The following IL34 variants were observed in gnomAD, a reference collection of about 807,000 sequenced individuals.
IL34 encodes interleukin 34.
A neutral mutation model predicts 25.3 loss-of-function variants in IL34; 17 were observed. The observed-to-expected ratio is 0.67, with a 90% CI of 0.46 to 1.01. IL34 has a LOEUF of 1.01. Among genes scored for constraint, IL34 ranks in the 50% least tolerant of loss-of-function variants. The pLI, the probability that IL34 is intolerant of heterozygous loss-of-function variation, is 0.00. For synonymous variants in IL34, 174 were observed against 140.9 expected, an observed-to-expected ratio of 1.23 and a Z score of -1.66; for missense variants, 368 against 312.9, an observed-to-expected ratio of 1.18 and a Z score of -1.33.
At chr16:70,632,602 C>T (rs1017926658) in intron 1 of IL34, among the ~76,000 whole-genome samples, 3 of 152,112 alleles carry the variant, frequency 2.0e-5, no homozygotes, top group Non-Finnish European at 4.4e-5. Context: ...AGTGGCTTTC[C>T]AATGGAGCAT....
At chr16:70,631,972 G>A (rs2051528750) in intron 1 of IL34, among the ~76,000 whole-genome samples, 1 of 151,946 alleles carries the variant, frequency 6.6e-6, no homozygotes, top group Admixed American at 6.6e-5. Context: ...GTGCTGTTGT[G>A]TACCTGTAAT....
chr16:70,638,954 A>C (rs940368815), intron 1 of IL34, among the ~76,000 whole-genome samples: 1 of 152,226 alleles, frequency 6.6e-6, no homozygotes, highest in Non-Finnish European at 1.5e-5. Context: ...ATCTATCTCC[A>C]TGTAGGTAGA....
At chr16:70,646,202 G>A (rs554851991), upstream of IL34, among the ~76,000 whole-genome samples, 19 of 152,166 alleles carry the variant, frequency 1.2e-4, no homozygotes, top group African/African-American at 4.1e-4. Context: ...GAGCCATTGC[G>A]TCCGGCTTGT....
At chr16:70,646,374 C>T (rs2051929285), upstream of IL34, among the ~76,000 whole-genome samples, 1 of 152,196 alleles carries the variant, frequency 6.6e-6, no homozygotes, top group African/African-American at 2.4e-5. Context: ...TCATAACTCA[C>T]TCATGGGCCA....
intron 1 of IL34, among the ~76,000 whole-genome samples, chr16:70,608,631 C>T (rs2051046545): frequency 6.6e-6 from 1 of 152,164 alleles, no homozygotes; most frequent in Non-Finnish European, 1.5e-5. Context: ...GACACTATAG[C>T]CTCTGCCGCC....
intron 1 of IL34, among the ~76,000 whole-genome samples, chr16:70,607,400 C>T (rs181930992): frequency 7.4e-4 from 113 of 152,200 alleles, no homozygotes; most frequent in African/African-American, 2.0e-3. Flanking sequence ...CCACTGCACC[C>T]GGCTGGATTT....
At chr16:70,651,963 A>G (rs1193740344) in intron 1 of IL34, among the ~76,000 whole-genome samples, 1 of 151,614 alleles carries the variant, frequency 6.6e-6, no homozygotes, top group African/African-American at 2.4e-5. Context: ...GTCTGTACTA[A>G]AAATACAAAA....
chr16:70,580,409 T>C (rs1169143479), intron 1 of IL34, among the ~76,000 whole-genome samples: 1 of 152,234 alleles, frequency 6.6e-6, no homozygotes, highest in African/African-American at 2.4e-5. Context: ...GCTGCTCCAC[T>C]ATATATTGCC....
At chr16:70,586,883 C>T (rs2050701146) in intron 1 of IL34, among the ~76,000 whole-genome samples, 1 of 152,224 alleles carries the variant, frequency 6.6e-6, no homozygotes, top group Non-Finnish European at 1.5e-5. Context: ...GGGCTGTGCC[C>T]TGATTCACCT....
intron 3 of IL34, 111 bp from the exon 4 acceptor site, chr16:70,656,849 A>G: frequency 2.4e-6 from 3 of 1,268,434 alleles, no homozygotes; most frequent in Non-Finnish European, 3.4e-6. Flanking sequence ...CACTGTCCAC[A>G]GCGGACGGCC....
At chr16:70,645,316 C>A (rs745712992), upstream of IL34, among the ~76,000 whole-genome samples, 43 of 152,128 alleles carry the variant, frequency 2.8e-4, no homozygotes, top group Non-Finnish European at 5.0e-4. Flanking sequence ...CTGGGCACCT[C>A]TTAGGGTAAG....
chr16:70,615,753 A>G (rs1191787701), intron 1 of IL34, among the ~76,000 whole-genome samples: 3 of 152,062 alleles, frequency 2.0e-5, no homozygotes, highest in African/African-American at 4.8e-5. Context: ...GGAGTTTGAA[A>G]CCAGCCTGGG....
At chr16:70,618,933 G>C (rs2051218775) in intron 1 of IL34, among the ~76,000 whole-genome samples, 1 of 152,122 alleles carries the variant, frequency 6.6e-6, no homozygotes, top group Non-Finnish European at 1.5e-5. Context: ...CGGTGCAAAG[G>C]AATAGTAAAG....
rs201277640 is a variant in IL34, at chr16:70,660,081, C to T, written c.623C>T (p.Ala208Val). ...AGCCCAGAGCCCTCATTGCAGTATG[C>T]GGCCACCCAGCTGTACCCTCCGCCC... ...SCSPEPSLQY[A>V]ATQLYPPPPW... The change falls in exon 6 of 6, where the codon GCG becomes GTG. Residue 208 changes from alanine to valine, a missense_variant. Transcript: ENST00000288098. The T allele has an allele frequency of 1.5e-5, 25 of 1,613,608 alleles. No individual in the cohort carries two copies. Among genetic ancestry groups the T allele is most frequent in the Middle Eastern group, 1.7e-4 (1 of 6,058 alleles).
intron 1 of IL34, among the ~76,000 whole-genome samples, chr16:70,599,443 G>T (rs1001898071): frequency 6.7e-6 from 1 of 149,096 alleles, no homozygotes; most frequent in African/African-American, 2.5e-5. Context: ...TGCAACCTTT[G>T]CCTCCCGGGT....
At chr16:70,628,135 A>C (rs4985546) in intron 1 of IL34, among the ~76,000 whole-genome samples, 1 of 151,994 alleles carries the variant, frequency 6.6e-6, no homozygotes, top group Admixed American at 6.5e-5. Context: ...TATTCACTCT[A>C]GGGTGTGTGT....
intron 1 of IL34, among the ~76,000 whole-genome samples, chr16:70,636,608 C>T (rs867629506): frequency 9.4e-4 from 142 of 151,374 alleles, no homozygotes; most frequent in South Asian, 3.8e-3. Context: ...CACACACACA[C>T]ACACACACAC....
chr16:70,632,480 G>GA (rs1228952549), intron 1 of IL34, among the ~76,000 whole-genome samples: 2 of 152,170 alleles, frequency 1.3e-5, no homozygotes, highest in African/African-American at 4.8e-5. Context: ...GCATTTTGGG[G>GA]AACACATCTG....
At chr16:70,633,926 C>T (rs1001208998) in intron 1 of IL34, among the ~76,000 whole-genome samples, 1 of 152,046 alleles carries the variant, frequency 6.6e-6, no homozygotes, top group Admixed American at 6.6e-5. Context: ...TCTTGGCTCA[C>T]TGCAACCTCC....
Sources: allele counts gnomAD v4.1 joint callset (sites outside exome capture counted in the v4.1 genomes callset), GRCh38; gene constraint gnomAD v4.1.1; transcripts MANE v1.5; gene names NCBI Gene and HGNC (gene_info 2026-07-23, HGNC 2026-07-21).